Variants in LMBRD1 observed in about 807,000 individuals in gnomAD.
LMBRD1 encodes the protein LMBR1 domain containing 1.
LMBRD1 carries 64 observed loss-of-function variants against 74.8 expected under a neutral mutation model. That is an observed-to-expected ratio of 0.86 (90% confidence interval 0.70 to 1.05). LMBRD1 has a LOEUF of 1.05. LMBRD1 is among the 50% of genes least tolerant of loss of function. The pLI is 0.00. For synonymous variants in LMBRD1, 204 were observed against 216.3 expected (o/e 0.94, Z 0.50); for missense variants, 652 against 645.9 (o/e 1.01, Z -0.10).
At chr6:69,781,407 C>G (rs1035506938) in intron 2 of LMBRD1, among the ~76,000 whole-genome samples, 2 of 152,102 alleles carry the variant, frequency 1.3e-5, no homozygotes, top group Non-Finnish European at 2.9e-5. Context: ...GAATCCAGGT[C>G]AGTGTTTTAT....
intron 4 of LMBRD1, among the ~76,000 whole-genome samples, chr6:69,751,196 A>G (rs1157899571): frequency 6.6e-6 from 1 of 152,184 alleles, no homozygotes; most frequent in Non-Finnish European, 1.5e-5. Context: ...TATAATATCA[A>G]TATATTTCTA....
chr6:69,768,538 T>C (rs1765516295), intron 3 of LMBRD1, among the ~76,000 whole-genome samples: 1 of 152,002 alleles, frequency 6.6e-6, no homozygotes, highest in African/African-American at 2.4e-5. Flanking sequence ...TATGTCTATA[T>C]ATTATAAACC....
At chr6:69,738,386 T>A (rs1767020562) in intron 6 of LMBRD1, among the ~76,000 whole-genome samples, 1 of 152,134 alleles carries the variant, frequency 6.6e-6, no homozygotes, top group Non-Finnish European at 1.5e-5. Flanking sequence ...TAACATTTCA[T>A]AGGAAAGCCA....
At position 69,790,589 on chromosome 6, in the gene LMBRD1, T is replaced by C. The variant is rs1312694993; in HGVS notation, c.70-117A>G. On this transcript the variant is annotated intron_variant, in intron 1 of 15. Transcript: ENST00000649934. ...TGTGAAGTAAAGGTTATTTTAGTTG[T>C]GTAAGGAAAGCCCACTATCCCTTAA... is the stretch of plus-strand genomic sequence containing the variant. 2.9e-6 allele frequency: 3 copies of C among 1,026,560 alleles called. No homozygotes were observed. The Admixed American group carries it at 5.8e-5, about 20-fold the overall frequency. 63.6% of individuals were successfully genotyped at this position (1,026,560 alleles called of 1,614,324 possible).
intron 14 of LMBRD1, among the ~76,000 whole-genome samples, chr6:69,676,917 A>G (rs1233705249): frequency 1.3e-5 from 2 of 152,206 alleles, no homozygotes; most frequent in Admixed American, 6.5e-5. Flanking sequence ...AAGAAGAAAG[A>G]ACAAAGTAAT....
At chr6:69,678,190 AAAGT>A (rs1440920605) in intron 14 of LMBRD1, among the ~76,000 whole-genome samples, 2 of 152,218 alleles carry the variant, frequency 1.3e-5, no homozygotes, top group Admixed American at 6.5e-5. Context: ...ATCTTACAAT[AAAGT>A]AAGCTAAAGA....
chr6:69,754,469 T>C (rs1279776335), intron 3 of LMBRD1, among the ~76,000 whole-genome samples: 1 of 152,158 alleles, frequency 6.6e-6, no homozygotes, highest in Non-Finnish European at 1.5e-5. Flanking sequence ...TCAAATCAAA[T>C]AGGACCCTAA....
chr6:69,776,830 G>A (rs1467671219), intron 3 of LMBRD1, among the ~76,000 whole-genome samples: 2 of 152,044 alleles, frequency 1.3e-5, no homozygotes, highest in East Asian at 3.9e-4. Context: ...AGAATCTCTC[G>A]GGATACAATC....
intron 1 of LMBRD1, among the ~76,000 whole-genome samples, chr6:69,793,020 C>T (rs77485469): frequency 0.013 from 1,992 of 152,168 alleles, 42 homozygotes; most frequent in African/African-American, 0.046. Context: ...ACCAAGTATC[C>T]TCGTCTATAG....
chr6:69,696,758 C>T (rs921978262), intron 14 of LMBRD1, among the ~76,000 whole-genome samples: 4 of 152,072 alleles, frequency 2.6e-5, no homozygotes, highest in South Asian at 2.1e-4. Flanking sequence ...TATACTTGTT[C>T]CTAATACTCT....
chr6:69,675,245 T>A lies in LMBRD1; in HGVS notation c.*913A>T, dbSNP rs1212228132. The stretch of plus-strand genomic sequence containing the variant: ...ATGATATATACTTTTTTATGAGTTC[T>A]AATGTGCTTATGTTAGTAAACTAGA... On this transcript the variant is annotated 3_prime_UTR_variant, in exon 16 of 16. Coordinates refer to ENST00000649934, the MANE Select transcript of LMBRD1 (RefSeq NM_018368.4). 6.6e-6 allele frequency among the ~76,000 whole-genome samples: 1 copy of A among 152,214 alleles called. No homozygotes were observed. The highest frequency in any genetic ancestry group is 1.5e-5 in the Non-Finnish European group (1 of 68,044).
At chr6:69,759,523 T>A (rs1230703724) in intron 3 of LMBRD1, among the ~76,000 whole-genome samples, 1 of 149,962 alleles carries the variant, frequency 6.7e-6, no homozygotes, top group Non-Finnish European at 1.5e-5. Context: ...GAATGCAAAA[T>A]TAGTTTAAGT....
intron 7 of LMBRD1, among the ~76,000 whole-genome samples, chr6:69,725,017 G>C (rs1015963733): frequency 2.0e-5 from 3 of 152,022 alleles, no homozygotes; most frequent in African/African-American, 7.2e-5. Context: ...CAGTAAAGTT[G>C]CAGGATACAA....
Position 69,719,070 on chromosome 6 carries a change from C to G in LMBRD1, c.648G>C (p.Met216Ile). Residue 216 changes from methionine (M) to isoleucine (I), a missense_variant, in exon 8 of 16, where the codon ATG becomes ATC. Physicochemically the swap from Met to Ile is conservative, Grantham distance 10. Transcript: ENST00000649934. The part of the protein sequence containing the change: ...LAAITYTAYG[M>I]SALPLNLIKG... ...TTATCAGATTTAAAGGTAACGCAGACATGCCATAGGCCTAAAAGAAAAACA... is the reference window on the plus strand; with the variant it reads ...TTATCAGATTTAAAGGTAACGCAGAGATGCCATAGGCCTAAAAGAAAAACA... The G allele has an allele frequency of 1.2e-6, 2 of 1,612,880 alleles. No individual in the cohort carries two copies. The highest frequency in any genetic ancestry group is 3.3e-4 in the Middle Eastern group (2 of 6,050).
chr6:69,726,058 T>C (rs773231183), intron 7 of LMBRD1, among the ~76,000 whole-genome samples: 15 of 152,084 alleles, frequency 9.9e-5, no homozygotes, highest in Admixed American at 6.6e-4. Context: ...AATAACCATA[T>C]TAAAAAGTGG....
rs117370915 is a variant in LMBRD1, at chr6:69,714,980, T to C, written c.763-1183A>G. 2.2e-3 allele frequency among the ~76,000 whole-genome samples: 338 copies of C among 152,192 alleles called. 8 individuals are homozygous for C. Among genetic ancestry groups the C allele is most frequent in the Admixed American group, 0.016 (244 of 15,250 alleles). On this transcript the variant is annotated intron_variant, in intron 8 of 15. Coordinates refer to ENST00000649934, the MANE Select transcript of LMBRD1 (RefSeq NM_018368.4). The stretch of plus-strand genomic sequence containing the variant: ...CCTAGAATTTGAATTTCTACCAAAT[T>C]TCCAGGAGATGCAGATGCTACTAGT...
intron 4 of LMBRD1, among the ~76,000 whole-genome samples, chr6:69,751,749 T>C (rs912393779): frequency 6.6e-6 from 1 of 152,256 alleles, no homozygotes; most frequent in Non-Finnish European, 1.5e-5. Context: ...ATCTTCTGTT[T>C]TACTGGATCA....
intron 1 of LMBRD1, among the ~76,000 whole-genome samples, chr6:69,793,078 G>C (rs1766122288): frequency 6.6e-6 from 1 of 152,058 alleles, no homozygotes; most frequent in Non-Finnish European, 1.5e-5. Flanking sequence ...AGATATAAAG[G>C]GTTTACCATA....
intron 5 of LMBRD1, among the ~76,000 whole-genome samples, chr6:69,743,989 T>A (rs1244240872): frequency 6.6e-6 from 1 of 151,834 alleles, no homozygotes; most frequent in Non-Finnish European, 1.5e-5. Context: ...AAGAAATACC[T>A]CCCAACAGAT....
Sources: allele counts gnomAD v4.1 joint callset (sites outside exome capture counted in the v4.1 genomes callset), GRCh38; gene constraint gnomAD v4.1.1; transcripts MANE v1.5; gene names NCBI Gene and HGNC (gene_info 2026-07-23, HGNC 2026-07-21).